Variants in ENOX2 observed in about 807,000 individuals in gnomAD.
The protein encoded by ENOX2 is APK1 antigen.
A neutral mutation model predicts 45.0 loss-of-function variants in ENOX2; 36 were observed. That is an observed-to-expected ratio of 0.80 (90% CI 0.61 to 1.06). The LOEUF (loss-of-function observed/expected upper bound fraction) is 1.06, where lower values mean the gene tolerates loss of function less well. Ranked by LOEUF, ENOX2 falls within the 50% of genes least tolerant of loss-of-function variation. ENOX2 has a pLI of 0.00. For missense variants in ENOX2, 423 were observed against 462.5 expected, an observed-to-expected ratio of 0.91 and a Z score of 0.78; for synonymous variants, 174 against 152.3, an observed-to-expected ratio of 1.14 and a Z score of -1.05.
At chrX:130,634,295 G>A (rs769591100) in intron 12 of ENOX2, among the ~76,000 whole-genome samples, 2 of 112,092 alleles carry the variant, frequency 1.8e-5, no homozygotes, top group Admixed American at 1.9e-4. Context: ...GAGTATTGAT[G>A]CATCAAGGAA....
intron 3 of ENOX2, among the ~76,000 whole-genome samples, chrX:130,763,878 T>C (rs1232531874): frequency 9.0e-6 from 1 of 110,706 alleles, no homozygotes; most frequent in East Asian, 2.8e-4. Context: ...AATTTGTGTG[T>C]GTGTCTGGTG....
At chrX:130,816,261 C>A (rs971637920) in intron 2 of ENOX2, among the ~76,000 whole-genome samples, 1 of 111,477 alleles carries the variant, frequency 9.0e-6, no homozygotes, top group Non-Finnish European at 1.9e-5. Context: ...CACCCAGATT[C>A]ATAAAGCAAG....
At chrX:130,740,275 C>T (rs1309753190) in intron 3 of ENOX2, among the ~76,000 whole-genome samples, 4 of 110,902 alleles carry the variant, frequency 3.6e-5, no homozygotes, top group African/African-American at 1.3e-4. Flanking sequence ...GTGACGCACA[C>T]CTGTAATCCC....
intron 4 of ENOX2, 59 bp downstream of exon 4, chrX:130,703,061 A>G (rs976781347): frequency 1.8e-6 from 2 of 1,110,396 alleles, no homozygotes; most frequent in Non-Finnish European, 2.4e-6. Context: ...ATACTGCTAT[A>G]TTTATAACCA....
intron 7 of ENOX2, among the ~76,000 whole-genome samples, 169 bp from the exon 8 acceptor site, chrX:130,667,911 A>T (rs2036879220): frequency 9.0e-6 from 1 of 111,693 alleles, no homozygotes; most frequent in Admixed American, 9.5e-5. Context: ...GTAGGCAGGC[A>T]GACAAACAGG....
At chrX:130,807,784 A>G (rs781612084) in intron 2 of ENOX2, among the ~76,000 whole-genome samples, 1 of 111,911 alleles carries the variant, frequency 8.9e-6, no homozygotes, top group East Asian at 2.8e-4. Context: ...AGAATAGTAG[A>G]CTAAGAAGGG....
In ENOX2 at chrX:130,688,486, T is replaced by C. The variant is rs143826716; in HGVS notation, c.253+377A>G. 4.9e-4 allele frequency among the ~76,000 whole-genome samples: 55 copies of C among 112,331 alleles called. No individual in the cohort carries two copies. The East Asian group carries it at 0.014, about 29-fold the overall frequency. Reference sequence around the variant, plus strand: ...GCAGTGGAAGATTCTTAGCACCAAATGTATATTCTCATGTGCTTCAGACCA... The same window carrying C: ...GCAGTGGAAGATTCTTAGCACCAAACGTATATTCTCATGTGCTTCAGACCA... On this transcript the variant is annotated intron_variant, in intron 5 of 14. Transcript: ENST00000394363.
At chrX:130,864,428 G>T (rs765173287) in intron 2 of ENOX2, among the ~76,000 whole-genome samples, 1 of 111,436 alleles carries the variant, frequency 9.0e-6, no homozygotes, top group African/African-American at 3.3e-5. Context: ...GCAAGCTCAC[G>T]AGAGACCTTA....
intron 2 of ENOX2, among the ~76,000 whole-genome samples, chrX:130,881,275 T>C (rs1334169349): frequency 1.8e-5 from 2 of 112,610 alleles, no homozygotes; most frequent in Non-Finnish European, 3.8e-5. Flanking sequence ...CTGGGTTAGA[T>C]ATCAGGAAAC....
At position 130,716,605 on chromosome X, in the gene ENOX2, C is replaced by T. The variant is rs189049197; in HGVS notation, c.-38-13351G>A. 4.1e-3 allele frequency among the ~76,000 whole-genome samples: 463 copies of T among 111,920 alleles called. 2 individuals carry two copies. Among genetic ancestry groups the T allele is most frequent in the African/African-American group, 0.014 (433 of 30,756 alleles). On this transcript the variant is annotated intron_variant, in intron 3 of 14. Coordinates refer to ENST00000394363, the MANE Select transcript of ENOX2 (RefSeq NM_006375.4). ...ACAAGACAAAGGCAGATTATGGCCA[C>T]GGCTGTGACCTCCATGACAGCTGGG...
chrX:130,758,308 C>A (rs2039400581), intron 3 of ENOX2, among the ~76,000 whole-genome samples: 1 of 112,087 alleles, frequency 8.9e-6, no homozygotes, highest in Non-Finnish European at 1.9e-5. Flanking sequence ...CTGACAACCA[C>A]CAGTCTGTTC....
At chrX:130,853,463 CAAAAAAA>C (rs754949787) in intron 2 of ENOX2, among the ~76,000 whole-genome samples, 6 of 27,977 alleles carry the variant, frequency 2.1e-4, no homozygotes, top group Admixed American at 4.2e-4. Context: ...GACTCCGTCT[CAAAAAAA>C]AAAAAAAAAA....
At chrX:130,886,828 T>C (rs903589328) in intron 2 of ENOX2, among the ~76,000 whole-genome samples, 4 of 111,720 alleles carry the variant, frequency 3.6e-5, no homozygotes, top group African/African-American at 1.3e-4. Context: ...AATACAGGAG[T>C]TAATAAACTC....
chrX:130,643,917 A>G (rs2036154568), intron 10 of ENOX2, among the ~76,000 whole-genome samples: 1 of 111,904 alleles, frequency 8.9e-6, no homozygotes, highest in Admixed American at 9.5e-5. Context: ...AAGTTTAACC[A>G]AGAGAGACCA....
chrX:130,798,268 A>C (rs1442569001), intron 2 of ENOX2, among the ~76,000 whole-genome samples: 2 of 112,457 alleles, frequency 1.8e-5, no homozygotes, highest in Non-Finnish European at 3.8e-5. Flanking sequence ...AGTAAAAAAC[A>C]AACAAACAAA....
At chrX:130,631,650 A>C (rs2035728366) in intron 12 of ENOX2, 74 bp from the exon 13 acceptor site, 2 of 556,569 alleles carry the variant, frequency 3.6e-6, no homozygotes, top group African/African-American at 4.5e-5. Context: ...ACTACACAAC[A>C]GGTAACTTAA....
intron 3 of ENOX2, among the ~76,000 whole-genome samples, chrX:130,744,925 G>A (rs1328597140): frequency 9.0e-6 from 1 of 111,212 alleles, no homozygotes; most frequent in East Asian, 2.8e-4. Context: ...ATAGCAGTGC[G>A]AACCCTATTG....
intron 4 of ENOX2, among the ~76,000 whole-genome samples, chrX:130,693,065 C>T (rs1421671044): frequency 8.9e-6 from 1 of 112,125 alleles, no homozygotes; most frequent in Non-Finnish European, 1.9e-5. Flanking sequence ...CTTGCACTTA[C>T]TCAACCTTGG....
intron 4 of ENOX2, among the ~76,000 whole-genome samples, chrX:130,694,121 A>G (rs1003826741): frequency 8.0e-5 from 9 of 112,034 alleles, no homozygotes; most frequent in Non-Finnish European, 1.5e-4. Flanking sequence ...CCTCAACCAG[A>G]AAAATCTTAA....
Sources: gnomAD v4.1 joint callset for allele counts (sites outside exome capture counted in the v4.1 genomes callset) on GRCh38, gnomAD v4.1.1 for gene constraint, MANE v1.5 for transcripts, NCBI Gene and HGNC (gene_info 2026-07-23, HGNC 2026-07-21) for gene names.